GPR135: variants seen among roughly 807,000 people sequenced by gnomAD.
GPR135 encodes G-protein coupled receptor 135.
Under a neutral mutation model 15.0 loss-of-function variants are expected in GPR135, and 17 were observed. The observed-to-expected ratio is 1.13, with a 90% CI of 0.78 to 1.70. The LOEUF is 1.70. Among genes scored for constraint, GPR135 ranks in the 40% most tolerant of loss-of-function variants. GPR135 has a pLI of 0.00. For missense variants in GPR135, 776 were observed against 727.0 expected (o/e 1.07, Z -0.78); for synonymous variants, 368 against 349.4 (o/e 1.05, Z -0.59).
downstream of GPR135, among the ~76,000 whole-genome samples, chr14:59,458,668 G>C (rs753717060): frequency 6.6e-6 from 1 of 152,032 alleles, no homozygotes; most frequent in Non-Finnish European, 1.5e-5. Flanking sequence ...GCATTGGGTG[G>C]GGGGGTTCAT....
rs1359557232 is a variant in GPR135, at chr14:59,465,115, T to A, written c.112A>T (p.Thr38Ser). The change falls in exon 1 of 1, where the codon ACG becomes TCG. Residue 38 changes from threonine to serine, a missense_variant. By Grantham distance (58) the Thr-to-Ser change is moderately conservative. Coordinates refer to ENST00000395116, the MANE Select transcript of GPR135 (RefSeq NM_022571.6). ...GTGCTGAAGGAGAGCACGGCCGCCG[T>A]GGCCGCGGAGGAAGTCCCGCCAGGT... The part of the protein sequence containing the change: ...GPPGGTSSAA[T>S]AAVLSFSTVA... The A allele has an allele frequency of 8.0e-6, 11 of 1,383,036 alleles. No homozygotes were observed. Among genetic ancestry groups the A allele is most frequent in the Non-Finnish European group, 1.0e-5 (11 of 1,067,490 alleles). 85.7% of individuals were successfully genotyped at this position (1,383,036 alleles called of 1,614,324 possible).
At position 59,465,155 on chromosome 14, in the gene GPR135, G is replaced by C. The variant is rs1889106583; in HGVS notation, c.72C>G (p.Pro24=). The C allele has an allele frequency of 3.0e-6, 4 of 1,337,178 alleles. No homozygotes were observed. The highest frequency in any genetic ancestry group is 3.3e-5 in the Admixed American group (1 of 30,612). The allele number at this position is 1,337,178 out of a possible 1,614,324, so 82.8% of individuals were successfully genotyped here. Residue 24 remains proline, a synonymous_variant, in exon 1 of 1, where the codon CCC becomes CCG. Transcript: ENST00000395116. The part of the protein sequence containing the change: ...ALLGSQHSGA[P]SAAGPPGGTS... ...TCCCGCCAGGTGGGCCGGCCGCGGAGGGGGCGCCGGAGTGCTGGCTGCCCA... is the reference window on the plus strand; with the variant it reads ...TCCCGCCAGGTGGGCCGGCCGCGGACGGGGCGCCGGAGTGCTGGCTGCCCA...
chr14:59,458,172 T>C (rs1034507944), downstream of GPR135, among the ~76,000 whole-genome samples: 17 of 152,206 alleles, frequency 1.1e-4, 1 homozygote, highest in Non-Finnish European at 2.5e-4. Flanking sequence ...TGGAGAACAA[T>C]AGCTTTAGTA....
chr14:59,458,792 G>A (rs1888754016), downstream of GPR135: 1 of 152,222 alleles, frequency 6.6e-6, no homozygotes, highest in Non-Finnish European at 1.5e-5. Context: ...CCCTAGTAAA[G>A]CATTTGCTCT....
chr14:59,454,981 T>C (rs1458627384), intron 6 of GPR135, among the ~76,000 whole-genome samples: 2 of 151,924 alleles, frequency 1.3e-5, no homozygotes, highest in African/African-American at 4.8e-5. Context: ...ATGCCTGTAG[T>C]CCCAGCTACT....
At position 59,464,297 on chromosome 14, in the gene GPR135, G is replaced by A. The variant is rs1230728212; in HGVS notation, c.930C>T (p.Arg310=). 5.0e-6 allele frequency: 8 copies of A among 1,611,772 alleles called. No homozygotes were observed. The highest frequency in any genetic ancestry group is 1.3e-5 in the African/African-American group (1 of 74,942). Residue 310 remains arginine (R), a synonymous_variant, in exon 1 of 1, where the codon CGC becomes CGT. Coordinates refer to ENST00000395116, the MANE Select transcript of GPR135 (RefSeq NM_022571.6). ...ICKTVRLSDV[R]VRPVNTYARV... is the part of the protein sequence containing the mutation. Reference sequence around the variant, plus strand: ...GCGCGTAGGTGTTCACCGGCCGCACGCGCACGTCCGACAGGCGCACCGTCT... The same window carrying A: ...GCGCGTAGGTGTTCACCGGCCGCACACGCACGTCCGACAGGCGCACCGTCT...
chr14:59,464,666 G>T lies in GPR135; in HGVS notation c.561C>A (p.Ser187Arg), dbSNP rs371478538. The change falls in exon 1 of 1, where the codon AGC becomes AGA. Residue 187 changes from serine (S) to arginine (R), a missense_variant. Physicochemically the swap from Ser to Arg is moderately radical, Grantham distance 110 (BLOSUM62 -1). Coordinates refer to ENST00000395116, the MANE Select transcript of GPR135 (RefSeq NM_022571.6). ...AGPWRGFCAA[S>R]RFFSSCFGIV... is the part of the protein sequence containing the mutation. ...TGCCGAAGCACGAGCTGAAGAAGCGGCTGGCGGCGCAGAAGCCGCGCCAGG... is the reference window on the plus strand; with the variant it reads ...TGCCGAAGCACGAGCTGAAGAAGCGTCTGGCGGCGCAGAAGCCGCGCCAGG... 5.0e-6 allele frequency: 8 copies of T among 1,589,936 alleles called. No homozygotes were observed. Among genetic ancestry groups the T allele is most frequent in the Non-Finnish European group, 6.8e-6 (8 of 1,174,084 alleles).
In GPR135 at chr14:59,464,404, C is replaced by A; in HGVS notation, c.823G>T (p.Ala275Ser). 1 of 1,595,358 alleles carries A rather than the reference C, an allele frequency of 6.3e-7. No homozygotes were observed. The highest frequency in any genetic ancestry group is 8.5e-7 in the Non-Finnish European group (1 of 1,172,174). Residue 275 changes from alanine (A) to serine (S), a missense_variant, in exon 1 of 1, where the codon GCG (alanine) becomes TCG (serine). Transcript: ENST00000395116. ...ACCACCAGCCCCACGCTGAAGGCCG[C>A]GCCCAGCTGCGCGGGGTCCGGGGAG... ...RTSPDPAQLGAAFSVGLVVAC... is the reference protein window; with the variant it reads ...RTSPDPAQLGSAFSVGLVVAC...
rs945420820 is a variant in GPR135 at position 59,461,470 on chromosome 14, C to G, written c.*2272G>C. The G allele has an allele frequency of 5.9e-5, 9 of 152,144 alleles. No individual in the cohort carries two copies. Among genetic ancestry groups the G allele is most frequent in the African/African-American group, 1.4e-4 (6 of 41,424 alleles). The allele number at this position is 152,144 out of a possible 1,614,324, so 9.4% of individuals were successfully genotyped here. On this transcript the variant is annotated 3_prime_UTR_variant, in exon 1 of 1. Transcript: ENST00000395116. ...TTCTTGCCTACCATGACTCTCGGAG[C>G]CACTAACAGAATGGCCTCTTTCACA...
chr14:59,455,871 T>A (rs1888636225), downstream of GPR135: 1 of 152,240 alleles, frequency 6.6e-6, no homozygotes, highest in African/African-American at 2.4e-5. Context: ...ATCATAACAC[T>A]ATTTAGGGGA....
chr14:59,460,133 C>T (rs1888804746), downstream of GPR135, among the ~76,000 whole-genome samples: 1 of 152,144 alleles, frequency 6.6e-6, no homozygotes, highest in African/African-American at 2.4e-5. Context: ...TGAAAATGCT[C>T]AGATTGCCAG....
Position 59,464,552 on chromosome 14 carries a change from G to T in GPR135, c.675C>A (p.Arg225=). Residue 225 remains arginine (R), a synonymous_variant, in exon 1 of 1, where the codon CGC becomes CGA. Coordinates refer to ENST00000395116, the MANE Select transcript of GPR135 (RefSeq NM_022571.6). The part of the protein sequence containing the change: ...RPPREKIGRR[R]ALQLLAGAWL... Reference sequence around the variant, plus strand: ...AGGCGCCCGCCAGCAGCTGCAGCGCGCGGCGGCGGCCGATCTTCTCCCGCG... The same window carrying T: ...AGGCGCCCGCCAGCAGCTGCAGCGCTCGGCGGCGGCCGATCTTCTCCCGCG... The T allele has an allele frequency of 6.4e-7, 1 of 1,561,164 alleles. No individual in the cohort carries two copies. The highest frequency in any genetic ancestry group is 8.6e-7 in the Non-Finnish European group (1 of 1,163,844).
intron 6 of GPR135, among the ~76,000 whole-genome samples, chr14:59,453,814 T>C (rs1460694067): frequency 1.3e-5 from 2 of 152,228 alleles, no homozygotes; most frequent in Non-Finnish European, 2.9e-5. Flanking sequence ...TACCCTTTTG[T>C]ACCTTTTCAA....
chr14:59,456,617 C>T (rs931002802), downstream of GPR135: 1 of 152,176 alleles, frequency 6.6e-6, no homozygotes, highest in Admixed American at 6.5e-5. Flanking sequence ...TCACTCCTAC[C>T]TATAATATTC....
downstream of GPR135, among the ~76,000 whole-genome samples, chr14:59,458,402 G>T (rs1888738896): frequency 6.6e-6 from 1 of 152,116 alleles, no homozygotes; most frequent in Non-Finnish European, 1.5e-5. Context: ...CTGCCCTGTG[G>T]TTTAGCTTCT....
At position 59,465,114 on chromosome 14, in the gene GPR135, G is replaced by A. The variant is rs1175260363; in HGVS notation, c.113C>T (p.Thr38Met). Residue 38 changes from threonine (T) to methionine (M), a missense_variant, in exon 1 of 1, where the codon ACG (threonine) becomes ATG (methionine). By Grantham distance (81) the Thr-to-Met change is moderately conservative. Transcript: ENST00000395116. ...GGTGCTGAAGGAGAGCACGGCCGCC[G>A]TGGCCGCGGAGGAAGTCCCGCCAGG... ...GPPGGTSSAATAAVLSFSTVA... is the reference protein window; with the variant it reads ...GPPGGTSSAAMAAVLSFSTVA... 1.4e-6 allele frequency: 2 copies of A among 1,383,128 alleles called. No homozygotes were observed. Among genetic ancestry groups the A allele is most frequent in the Non-Finnish European group, 1.9e-6 (2 of 1,067,556 alleles). 85.7% of individuals were successfully genotyped at this position (1,383,128 alleles called of 1,614,324 possible). A position where few individuals can be genotyped will look rare whatever the true frequency, so the allele number is the denominator to read the frequency against.
chr14:59,463,896 A>ATCC lies in GPR135; in HGVS notation c.1328_1330dup (p.Arg443dup), dbSNP rs763091996. 3.1e-6 allele frequency: 5 copies of ATCC among 1,614,012 alleles called. No homozygotes were observed. The African/African-American group carries it at 6.7e-5, about 22-fold the overall frequency. Reference sequence around the variant, plus strand: ...TCCGCTGGCCGGGTTGGAAGAGGACATCCTGTTGCAGGCCCCCAGCCGGTT... The same window carrying ATCC: ...TCCGCTGGCCGGGTTGGAAGAGGACATCCTCCTGTTGCAGGCCCCCAGCCGGTT... On this transcript the variant is annotated inframe_insertion, in exon 1 of 1. Transcript: ENST00000395116.
In GPR135 at chr14:59,464,551, C is replaced by CGCG. The variant is rs1210423278; in HGVS notation, c.673_675dup (p.Arg225dup). The CGCG allele has an allele frequency of 9.0e-6, 14 of 1,560,710 alleles. No individual in the cohort carries two copies. The highest frequency in any genetic ancestry group is 1.4e-5 in the African/African-American group (1 of 72,194). ...CAGGCGCCCGCCAGCAGCTGCAGCG[C>CGCG]GCGGCGGCGGCCGATCTTCTCCCGC... On this transcript the variant is annotated inframe_insertion, in exon 1 of 1. Transcript: ENST00000395116.
downstream of GPR135, among the ~76,000 whole-genome samples, chr14:59,457,819 GGA>G (rs1427665090): frequency 1.3e-5 from 2 of 152,072 alleles, no homozygotes; most frequent in Admixed American, 6.6e-5. Context: ...TCCCTCTCAT[GGA>G]GAGTTTCTTC....
Sources: allele counts gnomAD v4.1 joint callset (sites outside exome capture counted in the v4.1 genomes callset), GRCh38; gene constraint gnomAD v4.1.1; transcripts MANE v1.5; gene names NCBI Gene and HGNC (gene_info 2026-07-23, HGNC 2026-07-21).